Variants in RAB11FIP2 observed in about 807,000 individuals in gnomAD.
The protein encoded by RAB11FIP2 is rab11 family-interacting protein 2.
In RAB11FIP2, 16 loss-of-function variants were observed where a neutral mutation model predicts 40.9. That is an observed-to-expected ratio of 0.39 (90% CI 0.26 to 0.59). RAB11FIP2 has a LOEUF of 0.59. RAB11FIP2 is among the 20% of genes least tolerant of loss of function. The pLI is 0.53. For missense variants in RAB11FIP2, 532 were observed against 606.2 expected (o/e 0.88, Z 1.28); for synonymous variants, 228 against 213.7 (o/e 1.07, Z -0.58).
At chr10:118,043,733 A>G (rs1317197730) in intron 1 of RAB11FIP2, among the ~76,000 whole-genome samples, 1 of 152,216 alleles carries the variant, frequency 6.6e-6, no homozygotes, top group African/African-American at 2.4e-5. Flanking sequence ...TCATCACTCG[A>G]AACAGTTTTC....
intron 3 of RAB11FIP2, among the ~76,000 whole-genome samples, chr10:118,019,739 TG>T (rs1481347467): frequency 2.7e-5 from 4 of 150,234 alleles, no homozygotes; most frequent in African/African-American, 9.8e-5. Flanking sequence ...GGCAAGAGAA[TG>T]GCATGAACCC....
At chr10:118,024,363 T>G (rs1201395225) in intron 3 of RAB11FIP2, among the ~76,000 whole-genome samples, 1 of 152,174 alleles carries the variant, frequency 6.6e-6, no homozygotes, top group Non-Finnish European at 1.5e-5. Context: ...ATTTTCTCCC[T>G]GTATCTTTAG....
rs151189243 is a variant in RAB11FIP2, at chr10:118,017,681, T to C, written c.1266-2571A>G. The C allele has an allele frequency of 2.6e-5, 4 of 152,328 alleles. No individual in the cohort carries two copies. In the East Asian group the frequency reaches 7.7e-4, roughly 29 times the overall value. 9.4% of individuals were successfully genotyped at this position (152,328 alleles called of 1,614,324 possible). A position where few individuals can be genotyped will look rare whatever the true frequency, so the allele number is the denominator to read the frequency against. On this transcript the variant is annotated intron_variant, in intron 3 of 4. Coordinates refer to ENST00000355624, the MANE Select transcript of RAB11FIP2 (RefSeq NM_014904.3). The stretch of plus-strand genomic sequence containing the variant: ...TTTGGACAATGTTAATCTTTTCTTG[T>C]AAATATTTAAACATTTTATATTTGG...
intron 4 of RAB11FIP2, among the ~76,000 whole-genome samples, chr10:118,013,033 A>T (rs534924407): frequency 2.8e-3 from 425 of 152,230 alleles, no homozygotes; most frequent in African/African-American, 9.9e-3. Context: ...GAGAACTGCT[A>T]GTGATCTATT....
chr10:118,024,923 C>T (rs7912743), intron 3 of RAB11FIP2, among the ~76,000 whole-genome samples: 342 of 152,308 alleles, frequency 2.2e-3, no homozygotes, highest in African/African-American at 7.7e-3. Context: ...TTCCTAGCCC[C>T]AGCCATCTCT....
Position 118,039,025 on chromosome 10 carries a change from T to C in RAB11FIP2, c.1212A>G (p.Ser404=), listed in dbSNP as rs767587978. The C allele has an allele frequency of 2.5e-6, 4 of 1,611,230 alleles. No homozygotes were observed. The highest frequency in any genetic ancestry group is 1.1e-5 in the South Asian group (1 of 90,028). The change falls in exon 3 of 5, where the codon TCA becomes TCG. Residue 404 remains serine, a synonymous_variant. Transcript: ENST00000355624. The part of the protein sequence containing the change: ...ENRQDYFDYE[S]TNPFTAKFRA... ...TGAATTTTGCTGTAAATGGATTGGT[T>C]GACTCATAATCAAAATAGTCCTGGC...
chr10:118,031,333 A>G (rs568920648), intron 3 of RAB11FIP2, among the ~76,000 whole-genome samples: 69 of 152,256 alleles, frequency 4.5e-4, no homozygotes, highest in Middle Eastern at 3.4e-3. Context: ...TTTATTTACT[A>G]TACTTTTTAA....
At chr10:118,042,048 G>C (rs1846566738) in intron 1 of RAB11FIP2, among the ~76,000 whole-genome samples, 1 of 152,090 alleles carries the variant, frequency 6.6e-6, no homozygotes, top group African/African-American at 2.4e-5. Flanking sequence ...GCCTGGAAAT[G>C]AAGCAGATTA....
chr10:118,034,989 G>A (rs560235399), intron 3 of RAB11FIP2, among the ~76,000 whole-genome samples: 12 of 152,238 alleles, frequency 7.9e-5, no homozygotes, highest in African/African-American at 2.4e-4. Context: ...GCTGGGGCAC[G>A]GGTGAGCTCT....
At chr10:118,020,349 G>A (rs1485454532) in intron 3 of RAB11FIP2, among the ~76,000 whole-genome samples, 1 of 152,196 alleles carries the variant, frequency 6.6e-6, no homozygotes, top group Non-Finnish European at 1.5e-5. Context: ...AAAAGTCTTA[G>A]ATTTAGTCTA....
chr10:118,019,591 A>G (rs1419716775), intron 3 of RAB11FIP2, among the ~76,000 whole-genome samples: 1 of 152,014 alleles, frequency 6.6e-6, no homozygotes, highest in African/African-American at 2.4e-5. Flanking sequence ...TGGGAGGCCG[A>G]GACAGGCAGA....
chr10:118,025,782 C>T (rs1369571102), intron 3 of RAB11FIP2, among the ~76,000 whole-genome samples: 3 of 152,182 alleles, frequency 2.0e-5, no homozygotes, highest in African/African-American at 4.8e-5. Flanking sequence ...TACCTTTTCT[C>T]ATTTATCTTT....
chr10:118,040,632 T>A, intron 1 of RAB11FIP2, 67 bp from the exon 2 acceptor site: 2 of 1,156,690 alleles, frequency 1.7e-6, no homozygotes, highest in Non-Finnish European at 2.4e-6. Flanking sequence ...TTCTGTTACA[T>A]ACAAATAGCC....
intron 2 of RAB11FIP2, chr10:118,039,831 T>C (rs1289471303): frequency 2.1e-5 from 8 of 379,840 alleles, no homozygotes; most frequent in South Asian, 1.2e-4. Flanking sequence ...CATTCATTTA[T>C]GCTCAGGGTT....
At chr10:118,022,146 A>G (rs1846289838) in intron 3 of RAB11FIP2, among the ~76,000 whole-genome samples, 1 of 152,212 alleles carries the variant, frequency 6.6e-6, no homozygotes, top group East Asian at 1.9e-4. Context: ...CCTTCACTCC[A>G]GTCTTCAGCT....
At chr10:118,023,995 CAGG>C (rs1846311168) in intron 3 of RAB11FIP2, among the ~76,000 whole-genome samples, 1 of 151,098 alleles carries the variant, frequency 6.6e-6, no homozygotes, top group Non-Finnish European at 1.5e-5. Context: ...GAGGCTGAGG[CAGG>C]AGGATTGCCT....
intron 3 of RAB11FIP2, among the ~76,000 whole-genome samples, chr10:118,030,584 T>C (rs1846401009): frequency 6.6e-6 from 1 of 152,148 alleles, no homozygotes. Context: ...ACCTGTCAAG[T>C]GCTGTAAATT....
rs780772001 is a variant in RAB11FIP2, at chr10:118,046,126, G to A, written c.38C>T (p.Thr13Ile). The A allele has an allele frequency of 2.2e-5, 35 of 1,614,068 alleles. No homozygotes were observed. The highest frequency in any genetic ancestry group is 2.9e-5 in the Non-Finnish European group (34 of 1,180,034). ...TTGGAGCACTGTGACCTGCACGTGGGTTGGAAACCACTTTTGGGCTTGCTC... is the reference window on the plus strand; with the variant it reads ...TTGGAGCACTGTGACCTGCACGTGGATTGGAAACCACTTTTGGGCTTGCTC... ...LSEQAQKWFP[T>I]HVQVTVLQAK... is the part of the protein sequence containing the mutation. Residue 13 changes from threonine to isoleucine, a missense_variant, in exon 1 of 5, where the codon ACC becomes ATC. Coordinates refer to ENST00000355624, the MANE Select transcript of RAB11FIP2 (RefSeq NM_014904.3).
Position 118,040,242 on chromosome 10 carries a change from T to A in RAB11FIP2, c.677A>T (p.His226Leu). ...GGACCCAGATAAATCAGACATTGAATGCGCTGACGAGAGTCGCTGAGGACC... is the reference window on the plus strand; with the variant it reads ...GGACCCAGATAAATCAGACATTGAAAGCGCTGACGAGAGTCGCTGAGGACC... The part of the protein sequence containing the change: ...LLGPQRLSSA[H>L]SMSDLSGSHM... Residue 226 changes from histidine (H) to leucine (L), a missense_variant, in exon 2 of 5, where the codon CAT becomes CTT. Transcript: ENST00000355624. The A allele has an allele frequency of 6.2e-7, 1 of 1,613,868 alleles. No homozygotes were observed. The highest frequency in any genetic ancestry group is 1.1e-5 in the South Asian group (1 of 91,078).
Sources: allele counts gnomAD v4.1 joint callset (sites outside exome capture counted in the v4.1 genomes callset), GRCh38; gene constraint gnomAD v4.1.1; transcripts MANE v1.5; gene names NCBI Gene and HGNC (gene_info 2026-07-23, HGNC 2026-07-21).